SPRR2F: variants seen among roughly 807,000 people sequenced by gnomAD.
The protein encoded by SPRR2F is small proline-rich protein 2F.
In SPRR2F, 2 loss-of-function variants were observed where a neutral mutation model predicts 0.8. The ratio of observed to expected loss-of-function variants is 2.52; its 90% CI spans 1.03 to 7.95. The LOEUF is 7.95. Among genes scored for constraint, SPRR2F ranks in the 30% most tolerant of loss-of-function variants. The pLI is 0.04. For missense variants in SPRR2F, 80 were observed against 85.8 expected, an observed-to-expected ratio of 0.93 and a Z score of 0.27; for synonymous variants, 39 against 33.4, an observed-to-expected ratio of 1.17 and a Z score of -0.58.
At chr1:153,118,300 C>T (rs544081896), upstream of SPRR2F, among the ~76,000 whole-genome samples, 5 of 152,088 alleles carry the variant, frequency 3.3e-5, no homozygotes, top group Admixed American at 1.3e-4. Context: ...TAACAGAAGG[C>T]CGTCTTAAAG....
In SPRR2F at chr1:153,112,713, C is replaced by T. The variant is rs1177947544; in HGVS notation, c.21G>A (p.Gln7=). 1.2e-6 allele frequency: 2 copies of T among 1,611,916 alleles called. No individual in the cohort carries two copies. Among genetic ancestry groups the T allele is most frequent in the African/African-American group, 2.7e-5 (2 of 74,844 alleles). MSYQQQ[Q]CKQPCQPPPV... is the part of the protein sequence containing the mutation. ...GAGGTGGCTGGCAGGGCTGCTTGCACTGCTGCTGTTGATAAGACATCCTGC... is the reference window on the plus strand; with the variant it reads ...GAGGTGGCTGGCAGGGCTGCTTGCATTGCTGCTGTTGATAAGACATCCTGC... Residue 7 remains glutamine, a synonymous_variant, in exon 2 of 2, where the codon CAG becomes CAA. Transcript: ENST00000468739.
At chr1:153,112,818 T>C (rs1205098279) in intron 1 of SPRR2F, 66 bp from the exon 2 acceptor site, 4 of 1,597,704 alleles carry the variant, frequency 2.5e-6, no homozygotes, top group East Asian at 2.2e-5. Context: ...CCAAAGCTTA[T>C]GTAATACCAT....
upstream of SPRR2F, among the ~76,000 whole-genome samples, chr1:153,118,333 A>C (rs1022230677): frequency 2.0e-5 from 3 of 152,144 alleles, no homozygotes; most frequent in Non-Finnish European, 4.4e-5. Flanking sequence ...AAGGTTCCAT[A>C]TATGTGACTT....
At chr1:153,116,413 T>G (rs976414341), upstream of SPRR2F, among the ~76,000 whole-genome samples, 3 of 152,220 alleles carry the variant, frequency 2.0e-5, no homozygotes, top group Non-Finnish European at 2.9e-5. Flanking sequence ...CTTATTTTCC[T>G]TTTCAAAATA....
chr1:153,114,359 G>A (rs1228768593), upstream of SPRR2F, among the ~76,000 whole-genome samples: 1 of 152,054 alleles, frequency 6.6e-6, no homozygotes, highest in Non-Finnish European at 1.5e-5. Flanking sequence ...TTATAAAAAT[G>A]TATTCTTTGC....
rs1470452493 is a variant in SPRR2F at position 153,112,149 on chromosome 1, TGAAAG to T, written c.*361_*365del. The T allele has an allele frequency of 2.9e-6, 1 of 341,198 alleles. No homozygotes were observed. The highest frequency in any genetic ancestry group is 4.2e-5 in the Admixed American group (1 of 23,576). The allele number at this position is 341,198 out of a possible 1,614,324, so 21.1% of individuals were successfully genotyped here. A position where few individuals can be genotyped will look rare whatever the true frequency, so the allele number is the denominator to read the frequency against. ...ATGCATAGATTCTTTATTCAGGGAG[TGAAAG>T]GAAAGTGACAACTGCACAGGTGGTG... On this transcript the variant is annotated 3_prime_UTR_variant, in exon 2 of 2. Transcript: ENST00000468739.
chr1:153,118,485 T>C (rs1461244495), upstream of SPRR2F, among the ~76,000 whole-genome samples: 11 of 152,146 alleles, frequency 7.2e-5, no homozygotes, highest in Non-Finnish European at 1.3e-4. Flanking sequence ...TGAATCTTCA[T>C]ATATAAGTGA....
chr1:153,115,907 A>G (rs1447680377), upstream of SPRR2F, among the ~76,000 whole-genome samples: 2 of 152,224 alleles, frequency 1.3e-5, no homozygotes, highest in Non-Finnish European at 2.9e-5. Context: ...ATTACTACAT[A>G]AAAATGACAA....
chr1:153,116,234 T>C (rs1156602482), upstream of SPRR2F, among the ~76,000 whole-genome samples: 1 of 152,234 alleles, frequency 6.6e-6, no homozygotes, highest in Non-Finnish European at 1.5e-5. Flanking sequence ...TTAGGGAGGA[T>C]GTTTTAGAAG....
upstream of SPRR2F, among the ~76,000 whole-genome samples, chr1:153,116,738 C>G (rs1207966543): frequency 6.6e-6 from 1 of 151,996 alleles, no homozygotes; most frequent in East Asian, 1.9e-4. Context: ...TGAAACAGTT[C>G]ACCAAAATTG....
chr1:153,119,117 A>G, the SPRR2F span, among the ~76,000 whole-genome samples: 1 of 152,220 alleles, frequency 6.6e-6, no homozygotes, highest in African/African-American at 2.4e-5. Context: ...GGAAAAATAA[A>G]CACAATCAAA....
Position 153,112,352 on chromosome 1 carries a change from AC to A in SPRR2F, c.*162del. On this transcript the variant is annotated 3_prime_UTR_variant, in exon 2 of 2. Coordinates refer to ENST00000468739, the MANE Select transcript of SPRR2F (RefSeq NM_001014450.3). ...GCAGTATGGCAGCCTCAAAAAGAAA[AC>A]CTTTTGCTATCAGAGATCATCACAG... 1.5e-6 allele frequency: 2 copies of A among 1,338,428 alleles called. No homozygotes were observed. Among genetic ancestry groups the A allele is most frequent in the Non-Finnish European group, 2.0e-6 (2 of 987,346 alleles). 82.9% of individuals were successfully genotyped at this position (1,338,428 alleles called of 1,614,324 possible). A position where few individuals can be genotyped will look rare whatever the true frequency, so the allele number is the denominator to read the frequency against.
chr1:153,118,978 C>T, the SPRR2F span, among the ~76,000 whole-genome samples: 1 of 152,116 alleles, frequency 6.6e-6, no homozygotes. Context: ...AGACTTTTGT[C>T]AGAGTTGAAT....
chr1:153,112,797 A>G, intron 1 of SPRR2F, 45 bp from the exon 2 acceptor site: 1 of 1,606,370 alleles, frequency 6.2e-7, no homozygotes. Flanking sequence ...GGAATCCTCC[A>G]GAGAGAGAAG....
upstream of SPRR2F, among the ~76,000 whole-genome samples, chr1:153,113,945 G>A (rs58852820): frequency 9.4e-5 from 14 of 149,064 alleles, no homozygotes; most frequent in African/African-American, 2.7e-4. Context: ...TTGCCAATGC[G>A]CTAAAAGGAA....
At chr1:153,113,991 G>GT (rs1655663014), upstream of SPRR2F, among the ~76,000 whole-genome samples, 1 of 107,064 alleles carries the variant, frequency 9.3e-6, no homozygotes, top group Non-Finnish European at 1.8e-5. Flanking sequence ...TCTGGTCCCA[G>GT]ATTTTTTTTT....
chr1:153,114,913 T>C (rs1416013458), upstream of SPRR2F, among the ~76,000 whole-genome samples: 1 of 152,144 alleles, frequency 6.6e-6, no homozygotes, highest in Non-Finnish European at 1.5e-5. Context: ...CTTAGACCAG[T>C]AGTCAGAAAG....
chr1:153,113,244 T>C (rs189568188), intron 1 of SPRR2F, among the ~76,000 whole-genome samples: 1 of 152,328 alleles, frequency 6.6e-6, no homozygotes, highest in African/African-American at 2.4e-5. Context: ...TTTTTTCTTC[T>C]TCAAATCAAA....
chr1:153,114,715 G>A (rs1571009686), upstream of SPRR2F, among the ~76,000 whole-genome samples: 2 of 152,166 alleles, frequency 1.3e-5, no homozygotes, highest in East Asian at 3.9e-4. Flanking sequence ...TGACCTGCTA[G>A]ATTATCAAGT....
Sources: allele counts gnomAD v4.1 joint callset (sites outside exome capture counted in the v4.1 genomes callset), GRCh38; gene constraint gnomAD v4.1.1; transcripts MANE v1.5; gene names NCBI Gene and HGNC (gene_info 2026-07-23, HGNC 2026-07-21).